PLCH2: variants seen among roughly 807,000 people sequenced by gnomAD.
PLCH2 encodes phospholipase C eta 2.
Under a neutral mutation model 134.7 loss-of-function variants are expected in PLCH2, and 98 were observed. That is an observed-to-expected ratio of 0.73 (90% CI 0.62 to 0.86). The LOEUF (loss-of-function observed/expected upper bound fraction) is 0.86. PLCH2 is among the 40% of genes least tolerant of loss of function. The probability of loss-of-function intolerance (pLI) is 0.00; values close to 1 mark genes in which losing one functional copy is unlikely to be tolerated. For synonymous variants in PLCH2, 974 were observed against 827.5 expected, an observed-to-expected ratio of 1.18 and a Z score of -3.04; for missense variants, 1,994 against 1,986.6, an observed-to-expected ratio of 1.00 and a Z score of -0.07.
At chr1:2,434,961 C>G (rs976379346) in intron 2 of PLCH2, among the ~76,000 whole-genome samples, 1 of 150,746 alleles carries the variant, frequency 6.6e-6, no homozygotes, top group African/African-American at 2.4e-5. Flanking sequence ...CCCCGTGGCC[C>G]AGAGCTGGCT....
chr1:2,484,512 T>C lies in PLCH2; in HGVS notation c.710T>C (p.Met237Thr), dbSNP rs140232208. ...GFEEFCAFYK[M>T]MSTRRDLYLL... The stretch of plus-strand genomic sequence containing the variant: ...GAAGAGTTCTGTGCCTTCTACAAGA[T>C]GATGTCCACCCGCCGGGACCTCTAC... The change falls in exon 5 of 22, where the codon ATG becomes ACG. Residue 237 changes from methionine (M) to threonine (T), a missense_variant. By Grantham distance (81) the Met-to-Thr change is moderately conservative (BLOSUM62 -1). Transcript: ENST00000378486. The C allele has an allele frequency of 4.2e-5, 68 of 1,613,308 alleles. No homozygotes were observed. Among genetic ancestry groups the C allele is most frequent in the Middle Eastern group, 1.6e-4 (1 of 6,062 alleles).
chr1:2,493,850 GTGTC>G (rs914979116), intron 11 of PLCH2: 1 of 153,498 alleles, frequency 6.5e-6, no homozygotes, highest in Non-Finnish European at 1.5e-5. Flanking sequence ...TGAGCGCCGA[GTGTC>G]TGTGGTCATG....
In PLCH2 at chr1:2,497,713, G is replaced by A. The variant is rs1471165367; in HGVS notation, c.2224+104G>A. On this transcript the variant is annotated intron_variant, in intron 16 of 21. Coordinates refer to ENST00000378486, the MANE Select transcript of PLCH2 (RefSeq NM_014638.4). ...AGCCCCACAGGCTAGCAAGGGGGTG[G>A]GGGCGGCTTTGGCAGAGTCCCCTGG... 1.2e-5 allele frequency: 10 copies of A among 833,054 alleles called. No individual in the cohort carries two copies. In the East Asian group the frequency reaches 2.2e-4, roughly 18 times the overall value. The allele number at this position is 833,054 out of a possible 1,614,324, so 51.6% of individuals were successfully genotyped here. A position where few individuals can be genotyped will look rare whatever the true frequency, so the allele number is the denominator to read the frequency against.
At chr1:2,462,939 G>T (rs1640892973), upstream of PLCH2, among the ~76,000 whole-genome samples, 1 of 152,228 alleles carries the variant, frequency 6.6e-6, no homozygotes, top group Admixed American at 6.5e-5. Flanking sequence ...AACATCCATA[G>T]AACTCTTAAA....
intron 2 of PLCH2, among the ~76,000 whole-genome samples, chr1:2,455,826 G>A (rs1157938023): frequency 1.3e-5 from 2 of 152,164 alleles, no homozygotes; most frequent in Non-Finnish European, 1.5e-5. Context: ...CTCCCTCCCC[G>A]GCCGTGCCCC....
intron 2 of PLCH2, among the ~76,000 whole-genome samples, chr1:2,459,642 T>C (rs61763918): frequency 0.017 from 163 of 9,872 alleles, 13 homozygotes; most frequent in South Asian, 0.066. Context: ...GCCTGTGGTC[T>C]TCCTTTCCGG....
chr1:2,474,063 C>G (rs1382331866), upstream of PLCH2, among the ~76,000 whole-genome samples: 2 of 152,190 alleles, frequency 1.3e-5, no homozygotes, highest in East Asian at 1.9e-4. Flanking sequence ...TCAGGATGGC[C>G]GGGCCCTGGC....
chr1:2,464,587 T>C (rs1332452277), upstream of PLCH2, among the ~76,000 whole-genome samples: 2 of 152,276 alleles, frequency 1.3e-5, no homozygotes, highest in Admixed American at 6.5e-5. Flanking sequence ...TGCTGCAGGA[T>C]GGCTGAGGAG....
intron 1 of PLCH2, among the ~76,000 whole-genome samples, chr1:2,427,334 G>C (rs998835889): frequency 1.1e-4 from 17 of 152,158 alleles, no homozygotes; most frequent in Admixed American, 3.3e-4. Context: ...CCGCAGGTCT[G>C]GGACGAGTCA....
chr1:2,504,061 C>G lies in PLCH2; in HGVS notation c.3099C>G (p.Tyr1033Ter). ...GCTCTTCTCAGGGACGGCCCCCATACCCCACAGGACCCGGAGCCAATGTGG... is the reference window on the plus strand; with the variant it reads ...GCTCTTCTCAGGGACGGCCCCCATAGCCCACAGGACCCGGAGCCAATGTGG... Reference protein sequence around the residue: ...PTSSSQGRPPYPTGPGANVAS... With the variant: ...PTSSSQGRPP Residue 1033 changes from tyrosine (Y) to a stop codon, truncating the protein, a stop_gained, in exon 22 of 22, where the codon TAC (tyrosine) becomes TAG (stop). Transcript: ENST00000378486. LOFTEE classifies it high-confidence loss of function. 1 of 1,548,000 alleles carries G rather than the reference C, an allele frequency of 6.5e-7. No individual in the cohort carries two copies. Among genetic ancestry groups the G allele is most frequent in the Non-Finnish European group, 8.7e-7 (1 of 1,146,010 alleles).
At chr1:2,479,596 G>A in intron 2 of PLCH2, 138 bp from the exon 3 acceptor site, 1 of 809,852 alleles carries the variant, frequency 1.2e-6, no homozygotes, top group Non-Finnish European at 1.9e-6. Context: ...CTTGAACTCT[G>A]GACCCTGAGC....
upstream of PLCH2, among the ~76,000 whole-genome samples, chr1:2,473,249 A>C (rs1455816175): frequency 6.6e-6 from 1 of 152,196 alleles, no homozygotes; most frequent in Non-Finnish European, 1.5e-5. Flanking sequence ...GGACAACCCA[A>C]GGTCGGGGGG....
chr1:2,471,666 G>A (rs769878279), upstream of PLCH2, among the ~76,000 whole-genome samples: 10 of 152,320 alleles, frequency 6.6e-5, no homozygotes, highest in Admixed American at 2.0e-4. Flanking sequence ...CTCTGGGGCC[G>A]GTGGAAGGTG....
At position 2,479,811 on chromosome 1, in the gene PLCH2, G is replaced by A. The variant is rs181457696; in HGVS notation, c.349G>A (p.Asp117Asn). Residue 117 changes from aspartate to asparagine, a missense_variant, in exon 3 of 22, where the codon GAC (aspartate) becomes AAC (asparagine). Around this residue, in one of 2 missense-constraint regions of PLCH2, gnomAD observed 1,094 missense variants for 1,234.3 expected, o/e 0.89. Coordinates refer to ENST00000378486, the MANE Select transcript of PLCH2 (RefSeq NM_014638.4). ...VFQRYPDGSF[D>N]PNCCFSIYHG... is the part of the protein sequence containing the mutation. ...CCAGCGCTACCCTGACGGCAGCTTC[G>A]ACCCCAACTGCTGCTTCAGCATCTA... 4.1e-4 allele frequency: 648 copies of A among 1,598,326 alleles called. 1 individual carries two copies. The highest frequency in any genetic ancestry group is 5.0e-4 in the Non-Finnish European group (591 of 1,173,410).
chr1:2,442,754 G>A (rs1280459962), intron 2 of PLCH2, among the ~76,000 whole-genome samples: 1 of 152,236 alleles, frequency 6.6e-6, no homozygotes, highest in Non-Finnish European at 1.5e-5. Flanking sequence ...GGGGCTCTGA[G>A]TGCAGGAGCC....
At chr1:2,494,058 C>T (rs1001611117) in intron 11 of PLCH2, among the ~76,000 whole-genome samples, 4 of 152,164 alleles carry the variant, frequency 2.6e-5, no homozygotes, top group African/African-American at 7.2e-5. Flanking sequence ...GCTGCAGGCC[C>T]ACGGCTTTGC....
intron 21 of PLCH2, chr1:2,503,008 T>C: frequency 1.4e-6 from 1 of 715,648 alleles, no homozygotes. Context: ...TGTCGCCTCG[T>C]GTGCTCGTGC....
intron 8 of PLCH2, 63 bp from the exon 9 acceptor site, chr1:2,489,144 G>T: frequency 6.9e-7 from 1 of 1,449,836 alleles, no homozygotes; most frequent in South Asian, 1.2e-5. Flanking sequence ...TCTTGCAGAG[G>T]TGGGGCTTAC....
At position 2,480,182 on chromosome 1, in the gene PLCH2, A is replaced by C. The variant is rs770710150; in HGVS notation, c.516-1A>C. 1 of 1,612,758 alleles carries C rather than the reference A, an allele frequency of 6.2e-7. No individual in the cohort carries two copies. Among genetic ancestry groups the C allele is most frequent in the Non-Finnish European group, 8.5e-7 (1 of 1,179,796 alleles). Reference sequence around the variant, plus strand: ...CTGTTGGCCCCTAACTCGGCACCAAAGTGGCTGAAGCAGACGTTTGACGAG... The same window carrying C: ...CTGTTGGCCCCTAACTCGGCACCAACGTGGCTGAAGCAGACGTTTGACGAG... On this transcript the variant is annotated splice_acceptor_variant, in intron 3 of 21. Transcript: ENST00000378486. LOFTEE classifies it high-confidence loss of function.
Sources: allele counts gnomAD v4.1 joint callset (sites outside exome capture counted in the v4.1 genomes callset), GRCh38; gene constraint gnomAD v4.1.1; regional missense constraint gnomAD v4.1.1; transcripts MANE v1.5; gene names NCBI Gene and HGNC (gene_info 2026-07-23, HGNC 2026-07-21).